CSMD1: variants seen among roughly 807,000 people sequenced by gnomAD.
CSMD1 encodes CUB and Sushi multiple domains 1, also known as CUB and sushi domain-containing protein 1.
In CSMD1, 213 loss-of-function variants were observed where a neutral mutation model predicts 417.5. That is an observed-to-expected ratio of 0.51 (90% CI 0.46 to 0.57). The LOEUF (loss-of-function observed/expected upper bound fraction) is 0.57, where lower values mean the gene tolerates loss of function less well. Among genes scored for constraint, CSMD1 ranks in the 20% least tolerant of loss-of-function variants. The pLI is 0.00. For missense variants in CSMD1, 6,923 were observed against 4,529.7 expected (o/e 1.53, Z -15.17); for synonymous variants, 2,862 against 1,736.8 (o/e 1.65, Z -16.11).
intron 5 of CSMD1, among the ~76,000 whole-genome samples, chr8:3,938,590 G>T (rs115612080): frequency 6.6e-6 from 1 of 152,114 alleles, no homozygotes. Context: ...GCATTTCTTG[G>T]AAATCATGCT....
intron 1 of CSMD1, among the ~76,000 whole-genome samples, chr8:4,957,852 A>C (rs1214073042): frequency 6.6e-6 from 1 of 152,204 alleles, no homozygotes; most frequent in Non-Finnish European, 1.5e-5. Context: ...CAGCTCCTGC[A>C]GTCACTCTGC....
chr8:4,502,902 C>T (rs1375957554), intron 2 of CSMD1, among the ~76,000 whole-genome samples: 1 of 152,028 alleles, frequency 6.6e-6, no homozygotes, highest in South Asian at 2.1e-4. Flanking sequence ...TCAACCAATT[C>T]CTTCTGGTGT....
At chr8:3,819,561 C>CACACACACACACACTT (rs3219854) in intron 5 of CSMD1, among the ~76,000 whole-genome samples, 234 of 149,878 alleles carry the variant, frequency 1.6e-3, no homozygotes, top group Non-Finnish European at 2.6e-3. Flanking sequence ...CACACACACA[C>CACACACACACACACTT]GTATGTATAT....
intron 2 of CSMD1, among the ~76,000 whole-genome samples, chr8:4,468,638 C>T (rs1372592092): frequency 6.6e-6 from 1 of 152,100 alleles, no homozygotes; most frequent in East Asian, 1.9e-4. Flanking sequence ...TAAAATGGTC[C>T]ATATCCTACT....
At chr8:4,363,522 G>C (rs894556394) in intron 3 of CSMD1, among the ~76,000 whole-genome samples, 9 of 152,110 alleles carry the variant, frequency 5.9e-5, no homozygotes, top group African/African-American at 2.2e-4. Context: ...GCAAAGCTAA[G>C]AAAGAAGAGC....
At position 3,273,818 on chromosome 8, in the gene CSMD1, C is replaced by G. The variant is rs1802061730; in HGVS notation, c.4153+10326G>C. On this transcript the variant is annotated intron_variant, in intron 26 of 69. Coordinates refer to ENST00000635120, the MANE Select transcript of CSMD1 (RefSeq NM_033225.6). Reference sequence around the variant, plus strand: ...TTTATTGTATCTATTTGATTCCTCTCTGTTTTTTTCTTAGTCTTGCTAGTG... The same window carrying G: ...TTTATTGTATCTATTTGATTCCTCTGTGTTTTTTTCTTAGTCTTGCTAGTG... Among the ~76,000 whole-genome samples, 3 of 152,004 alleles carry G rather than the reference C, an allele frequency of 2.0e-5. 1 individual carries two copies.
chr8:3,391,385 A>G (rs1350892079), intron 17 of CSMD1, among the ~76,000 whole-genome samples: 2 of 152,256 alleles, frequency 1.3e-5, no homozygotes, highest in East Asian at 3.8e-4. Context: ...GAAAACCTTC[A>G]TACCCTTGAG....
chr8:3,150,345 C>A (rs1276421220), intron 40 of CSMD1, among the ~76,000 whole-genome samples: 1 of 152,208 alleles, frequency 6.6e-6, no homozygotes, highest in East Asian at 1.9e-4. Context: ...CAGTCCTCCT[C>A]TTTTCTTGTG....
intron 3 of CSMD1, among the ~76,000 whole-genome samples, chr8:4,210,109 T>C (rs750213935): frequency 6.6e-6 from 1 of 152,210 alleles, no homozygotes; most frequent in Non-Finnish European, 1.5e-5. Flanking sequence ...GAGCTCCTGA[T>C]CATTTTCCTC....
At chr8:3,091,475 T>G (rs772500256) in intron 48 of CSMD1, 41 bp downstream of exon 48, 4 of 1,491,748 alleles carry the variant, frequency 2.7e-6, no homozygotes, top group South Asian at 1.3e-5. Flanking sequence ...ATCACCTGTT[T>G]TAAAATACTT....
intron 3 of CSMD1, among the ~76,000 whole-genome samples, chr8:4,274,479 T>G (rs887702213): frequency 1.3e-5 from 2 of 152,156 alleles, no homozygotes; most frequent in African/African-American, 4.8e-5. Flanking sequence ...TGGCATTAAT[T>G]GAAACATCCA....
chr8:4,143,839 T>C (rs951165302), intron 3 of CSMD1, among the ~76,000 whole-genome samples: 2 of 151,142 alleles, frequency 1.3e-5, no homozygotes, highest in African/African-American at 2.5e-5. Flanking sequence ...GGGATTTAAG[T>C]ACTTATTTTG....
intron 7 of CSMD1, among the ~76,000 whole-genome samples, chr8:3,664,940 G>A (rs571239943): frequency 2.9e-4 from 44 of 152,076 alleles, no homozygotes; most frequent in Non-Finnish European, 4.1e-4. Context: ...GTCTCTGTGC[G>A]TCAAAGATTT....
At chr8:4,566,151 C>T (rs1359498318) in intron 2 of CSMD1, among the ~76,000 whole-genome samples, 1 of 152,124 alleles carries the variant, frequency 6.6e-6, no homozygotes, top group Non-Finnish European at 1.5e-5. Context: ...AAGAATGCAT[C>T]TTGCTATCAG....
intron 3 of CSMD1, among the ~76,000 whole-genome samples, chr8:4,266,734 G>A (rs1186765619): frequency 9.6e-6 from 1 of 104,520 alleles, no homozygotes. Context: ...CTAATTTTTT[G>A]TCTAATAAAA....
intron 3 of CSMD1, among the ~76,000 whole-genome samples, chr8:4,278,666 C>A (rs1043501807): frequency 6.6e-6 from 1 of 152,122 alleles, no homozygotes; most frequent in Non-Finnish European, 1.5e-5. Flanking sequence ...TTTTTATTAA[C>A]ATACCGAACA....
chr8:3,262,510 G>C lies in CSMD1; in HGVS notation c.4153+21634C>G, dbSNP rs73187510. Among the ~76,000 whole-genome samples the C allele has an allele frequency of 2.1e-4, 32 of 150,788 alleles. No individual in the cohort carries two copies. In the South Asian group the frequency reaches 4.8e-3, roughly 23 times the overall value. On this transcript the variant is annotated intron_variant, in intron 26 of 69. Coordinates refer to ENST00000635120, the MANE Select transcript of CSMD1 (RefSeq NM_033225.6). Reference sequence around the variant, plus strand: ...CATAATTACTGTTTATCCAAGAGGCGCTATAAATGCTATTACTTCGGGCCA... The same window carrying C: ...CATAATTACTGTTTATCCAAGAGGCCCTATAAATGCTATTACTTCGGGCCA...
chr8:3,912,256 C>A (rs760877831), intron 5 of CSMD1, among the ~76,000 whole-genome samples: 1 of 152,096 alleles, frequency 6.6e-6, no homozygotes, highest in Non-Finnish European at 1.5e-5. Context: ...TGGGAAATAT[C>A]ACTAATTATT....
At chr8:3,794,462 T>G (rs1799929352) in intron 5 of CSMD1, among the ~76,000 whole-genome samples, 1 of 152,198 alleles carries the variant, frequency 6.6e-6, no homozygotes, top group Non-Finnish European at 1.5e-5. Flanking sequence ...TATAAACCAA[T>G]TAAATCAACA....
Sources: allele counts gnomAD v4.1 joint callset (sites outside exome capture counted in the v4.1 genomes callset), GRCh38; gene constraint gnomAD v4.1.1; transcripts MANE v1.5; gene names NCBI Gene and HGNC (gene_info 2026-07-23, HGNC 2026-07-21).